ACACB: variants seen among roughly 807,000 people sequenced by gnomAD.
ACACB encodes acetyl-CoA carboxylase 2.
Under a neutral mutation model 278.8 loss-of-function variants are expected in ACACB, and 209 were observed. That is an observed-to-expected ratio of 0.75 (90% CI 0.67 to 0.84). ACACB has a LOEUF of 0.84. Ranked by LOEUF, ACACB falls within the 40% of genes least tolerant of loss-of-function variation. The pLI is 0.00. For missense variants in ACACB, 2,850 were observed against 3,269.0 expected (o/e 0.87, Z 3.13); for synonymous variants, 1,174 against 1,285.6 (o/e 0.91, Z 1.86).
intron 1 of ACACB, among the ~76,000 whole-genome samples, chr12:109,121,237 C>G (rs2135939398): frequency 6.6e-6 from 1 of 152,232 alleles, no homozygotes; most frequent in African/African-American, 2.4e-5. Flanking sequence ...ACCACACCTG[C>G]CAGCTTTCAT....
intron 1 of ACACB, among the ~76,000 whole-genome samples, chr12:109,128,739 C>A (rs1347008890): frequency 1.3e-5 from 2 of 150,596 alleles, no homozygotes; most frequent in Non-Finnish European, 3.0e-5. Context: ...TACAGAAGTA[C>A]TTTTGTTGCT....
intron 1 of ACACB, among the ~76,000 whole-genome samples, chr12:109,137,251 A>T (rs185506094): frequency 6.6e-6 from 1 of 151,602 alleles, no homozygotes; most frequent in Non-Finnish European, 1.5e-5. Flanking sequence ...CCTTGGCAAC[A>T]TATCAGCAAA....
At chr12:109,116,225 G>A (rs149315817), upstream of ACACB, among the ~76,000 whole-genome samples, 10 of 152,272 alleles carry the variant, frequency 6.6e-5, no homozygotes, top group African/African-American at 2.4e-4. Flanking sequence ...ACCTGATAGC[G>A]ATCACCTTCC....
At chr12:109,123,607 C>G (rs916025484) in intron 1 of ACACB, among the ~76,000 whole-genome samples, 1 of 151,618 alleles carries the variant, frequency 6.6e-6, no homozygotes, top group Non-Finnish European at 1.5e-5. Flanking sequence ...GCAGGAGAAT[C>G]TTTTGAACCT....
intron 44 of ACACB, 92 bp downstream of exon 44, chr12:109,254,426 A>G (rs1444207925): frequency 7.7e-7 from 1 of 1,299,752 alleles, no homozygotes; most frequent in Non-Finnish European, 1.1e-6. Flanking sequence ...CGCTTGAGAC[A>G]AAGGCTTGAT....
At chr12:109,120,743 G>C (rs1281990762) in intron 1 of ACACB, among the ~76,000 whole-genome samples, 4 of 152,160 alleles carry the variant, frequency 2.6e-5, no homozygotes, top group Non-Finnish European at 5.9e-5. Context: ...ACCCACACAC[G>C]TGTGCCACAC....
At chr12:109,241,997 G>A (rs1414137218) in intron 36 of ACACB, 1 of 156,014 alleles carries the variant, frequency 6.4e-6, no homozygotes, top group Non-Finnish European at 1.4e-5. Context: ...AGACTCTCAA[G>A]CAGTTGCAAA....
chr12:109,258,593 C>A (rs1427579549), intron 46 of ACACB, among the ~76,000 whole-genome samples: 1 of 152,118 alleles, frequency 6.6e-6, no homozygotes, highest in Non-Finnish European at 1.5e-5. Context: ...ATAAAGGTCC[C>A]TAGAAACCCC....
chr12:109,223,429 C>T (rs2046231840), intron 26 of ACACB, among the ~76,000 whole-genome samples: 1 of 151,994 alleles, frequency 6.6e-6, no homozygotes, highest in Non-Finnish European at 1.5e-5. Context: ...TCTGCCTGCT[C>T]CCACCGCCCC....
At position 109,229,492 on chromosome 12, in the gene ACACB, A is replaced by G. The variant is rs114614011; in HGVS notation, c.4001+2003A>G. ...CTGTAGTCTGCTGTCCAAGAGCTGT[A>G]GTTCAGTAGATACCCTCAGTGTTCT... On this transcript the variant is annotated intron_variant, in intron 28 of 52. Transcript: ENST00000338432. Among the ~76,000 whole-genome samples the G allele has an allele frequency of 5.7e-3, 871 of 152,142 alleles. 10 individuals are homozygous for G. The highest frequency in any genetic ancestry group is 0.02 in the African/African-American group (825 of 41,506).
Position 109,246,255 on chromosome 12 carries a change from A to G in ACACB, c.5378A>G (p.Asn1793Ser), listed in dbSNP as rs369716482. Residue 1793 changes from asparagine to serine, a missense_variant, in exon 39 of 53, where the codon AAT becomes AGT. Physicochemically the swap from Asn to Ser is conservative, Grantham distance 46. Transcript: ENST00000338432. ...GGACGGGATGTGATCGTCATCGGCAATGACATCACCTTTCGCATTGGATCC... is the reference window on the plus strand; with the variant it reads ...GGACGGGATGTGATCGTCATCGGCAGTGACATCACCTTTCGCATTGGATCC... ...PEGRDVIVIG[N>S]DITFRIGSFG... 4 of 1,613,570 alleles carry G rather than the reference A, an allele frequency of 2.5e-6. No homozygotes were observed.
chr12:109,214,270 A>G (rs537035393), intron 22 of ACACB, among the ~76,000 whole-genome samples: 2 of 152,242 alleles, frequency 1.3e-5, no homozygotes, highest in East Asian at 3.9e-4. Context: ...TTTATGAAAA[A>G]GAAAAAAGGA....
chr12:109,138,306 G>A (rs1281397224), intron 1 of ACACB, among the ~76,000 whole-genome samples: 2 of 152,120 alleles, frequency 1.3e-5, no homozygotes, highest in African/African-American at 4.8e-5. Context: ...GGAATACCTG[G>A]GTTCATTCTT....
At chr12:109,227,566 C>A in intron 28 of ACACB, 77 bp downstream of exon 28, 1 of 1,431,694 alleles carries the variant, frequency 7.0e-7, no homozygotes, top group Non-Finnish European at 9.8e-7. Context: ...TCTGGAAGGA[C>A]CTGGCAAGTG....
chr12:109,175,802 G>C (rs1478595818), intron 7 of ACACB, 129 bp from the exon 8 acceptor site: 1 of 690,426 alleles, frequency 1.4e-6, no homozygotes, highest in African/African-American at 1.8e-5. Context: ...GCTGAAGGGA[G>C]TGTCTGTATT....
chr12:109,162,142 AC>A (rs2043748452), intron 2 of ACACB, among the ~76,000 whole-genome samples: 1 of 151,602 alleles, frequency 6.6e-6, no homozygotes, highest in African/African-American at 2.4e-5. Context: ...ATGCCCAGCT[AC>A]TTTTTGTGTT....
chr12:109,111,524 G>T, the ACACB span: 1 of 152,016 alleles, frequency 6.6e-6, no homozygotes, highest in Non-Finnish European at 1.5e-5. Flanking sequence ...TCCGAAGAAA[G>T]AAGCCACAAT....
chr12:109,195,467 C>T (rs936654163), intron 16 of ACACB, among the ~76,000 whole-genome samples: 2 of 152,104 alleles, frequency 1.3e-5, no homozygotes, highest in Admixed American at 6.6e-5. Context: ...CTTTGGGGAC[C>T]TAGCTGCCCC....
rs1411722644 is a variant in ACACB, at chr12:109,237,254, C to T, written c.4536C>T (p.Ala1512=). 12 of 1,614,206 alleles carry T rather than the reference C, an allele frequency of 7.4e-6. No individual in the cohort carries two copies. The highest frequency in any genetic ancestry group is 2.2e-5 in the East Asian group (1 of 44,884). Residue 1512 remains alanine, a synonymous_variant, in exon 34 of 53, where the codon GCC becomes GCT. Transcript: ENST00000338432. ...GGATGCGTAACTTCGATCTGACCGC[C>T]GTGCCCTGTGCCAACCACAAGATGC... The part of the protein sequence containing the change: ...LNRMRNFDLT[A]VPCANHKMHL...
Sources: gnomAD v4.1 joint callset for allele counts (sites outside exome capture counted in the v4.1 genomes callset) on GRCh38, gnomAD v4.1.1 for gene constraint, MANE v1.5 for transcripts, NCBI Gene and HGNC (gene_info 2026-07-23, HGNC 2026-07-21) for gene names.